Variants in RPS6KC1 observed in about 807,000 individuals in gnomAD.
RPS6KC1 encodes inactive ribosomal protein S6 kinase delta-1.
RPS6KC1 carries 54 observed loss-of-function variants against 103.8 expected under a neutral mutation model. That is an observed-to-expected ratio of 0.52 (90% CI 0.42 to 0.65). RPS6KC1 has a LOEUF of 0.65. RPS6KC1 is among the 30% of genes least tolerant of loss of function. RPS6KC1 has a pLI of 0.00. For synonymous variants in RPS6KC1, 439 were observed against 438.7 expected (o/e 1.00, Z -0.01); for missense variants, 1,151 against 1,253.8 (o/e 0.92, Z 1.24).
chr1:213,103,422 T>C (rs1436222504), intron 3 of RPS6KC1, among the ~76,000 whole-genome samples: 1 of 152,202 alleles, frequency 6.6e-6, no homozygotes, highest in African/African-American at 2.4e-5. Flanking sequence ...ACATTATCCA[T>C]TTCCTACATT....
intron 10 of RPS6KC1, among the ~76,000 whole-genome samples, chr1:213,239,575 G>C (rs183704134): frequency 2.0e-5 from 3 of 152,248 alleles, no homozygotes; most frequent in Non-Finnish European, 4.4e-5. Flanking sequence ...GCAATTGACT[G>C]TCAGTGGTTA....
intron 4 of RPS6KC1, among the ~76,000 whole-genome samples, chr1:213,106,026 G>A (rs1234809124): frequency 1.3e-5 from 2 of 152,152 alleles, no homozygotes; most frequent in Non-Finnish European, 1.5e-5. Flanking sequence ...TCTGGATATG[G>A]GAATTCCTGA....
intron 8 of RPS6KC1, among the ~76,000 whole-genome samples, chr1:213,211,910 G>GT (rs1334026112): frequency 6.6e-6 from 1 of 152,124 alleles, no homozygotes; most frequent in African/African-American, 2.4e-5. Context: ...GAAGCATTTT[G>GT]TTTTTTAAGA....
downstream of RPS6KC1, among the ~76,000 whole-genome samples, chr1:213,279,124 C>A (rs2095118105): frequency 6.6e-6 from 1 of 151,950 alleles, no homozygotes; most frequent in Non-Finnish European, 1.5e-5. Flanking sequence ...GGAGAGCTGG[C>A]ATTATTGCAG....
chr1:213,631,587 A>C, the RPS6KC1 span, among the ~76,000 whole-genome samples: 1 of 152,014 alleles, frequency 6.6e-6, no homozygotes, highest in Non-Finnish European at 1.5e-5. Context: ...AATTATAATC[A>C]CTGGGCCATT....
chr1:213,253,378 A>G (rs75995746), intron 12 of RPS6KC1, among the ~76,000 whole-genome samples: 1,637 of 152,270 alleles, frequency 0.011, 13 homozygotes, highest in Non-Finnish European at 0.015. Flanking sequence ...GGAATATCAG[A>G]TTTCCTTATT....
intron 8 of RPS6KC1, among the ~76,000 whole-genome samples, chr1:213,194,619 A>G (rs1295195506): frequency 6.6e-6 from 1 of 152,180 alleles, no homozygotes; most frequent in Non-Finnish European, 1.5e-5. Flanking sequence ...GCAAGTGAGC[A>G]TTTACCACCT....
chr1:213,363,672 TTCTTTC>T, the RPS6KC1 span, among the ~76,000 whole-genome samples: 3 of 102,788 alleles, frequency 2.9e-5, no homozygotes, highest in East Asian at 6.4e-4. Flanking sequence ...CTTTCTTTCT[TTCTTTC>T]TTTCTTTCTT....
At chr1:213,674,316 G>A in the RPS6KC1 span, among the ~76,000 whole-genome samples, 1 of 152,274 alleles carries the variant, frequency 6.6e-6, no homozygotes, top group East Asian at 1.9e-4. Context: ...ACTGCACCTG[G>A]CTTGTACCAT....
At chr1:213,760,843 G>A in the RPS6KC1 span, among the ~76,000 whole-genome samples, 1 of 142,852 alleles carries the variant, frequency 7.0e-6, no homozygotes, top group African/African-American at 2.6e-5. Context: ...GAAAGTGTGA[G>A]TCTACTTTTT....
chr1:213,813,284 A>G, the RPS6KC1 span, among the ~76,000 whole-genome samples: 1 of 151,824 alleles, frequency 6.6e-6, no homozygotes, highest in Non-Finnish European at 1.5e-5. Context: ...CAATGGCATG[A>G]TCTCAGCTGA....
chr1:213,103,123 C>T (rs1396817052), intron 3 of RPS6KC1, among the ~76,000 whole-genome samples: 1 of 150,866 alleles, frequency 6.6e-6, no homozygotes, highest in Non-Finnish European at 1.5e-5. Context: ...TTGCTTGAGC[C>T]TGGGAGGTTG....
chr1:213,489,401 G>T, the RPS6KC1 span, among the ~76,000 whole-genome samples: 1 of 152,156 alleles, frequency 6.6e-6, no homozygotes, highest in African/African-American at 2.4e-5. Flanking sequence ...GGGACATAAC[G>T]CTTAGGAATC....
chr1:213,366,951 C>T, the RPS6KC1 span, among the ~76,000 whole-genome samples: 1 of 152,236 alleles, frequency 6.6e-6, no homozygotes, highest in African/African-American at 2.4e-5. Context: ...CTTCATATGA[C>T]AGCTCTTTGA....
At chr1:213,806,139 T>G in the RPS6KC1 span, among the ~76,000 whole-genome samples, 2 of 152,146 alleles carry the variant, frequency 1.3e-5, no homozygotes, top group Non-Finnish European at 2.9e-5. Flanking sequence ...GAGACCATCC[T>G]GGCTAACACG....
chr1:213,527,875 T>C, the RPS6KC1 span, among the ~76,000 whole-genome samples: 3 of 152,188 alleles, frequency 2.0e-5, no homozygotes, highest in Non-Finnish European at 1.5e-5. Context: ...TTGTATGTTA[T>C]ATACCATGCT....
At chr1:213,173,756 A>G (rs2148261839) in intron 7 of RPS6KC1, among the ~76,000 whole-genome samples, 1 of 152,294 alleles carries the variant, frequency 6.6e-6, no homozygotes, top group South Asian at 2.1e-4. Context: ...TATCTTCTCA[A>G]ATGGTGAACT....
the RPS6KC1 span, among the ~76,000 whole-genome samples, chr1:213,712,112 A>G: frequency 0.034 from 5,155 of 152,294 alleles, 313 homozygotes; most frequent in African/African-American, 0.12. Flanking sequence ...AACTGCGCCC[A>G]CAGCCACCCC....
At chr1:213,057,851 C>G (rs1220996475) in intron 1 of RPS6KC1, among the ~76,000 whole-genome samples, 2 of 141,142 alleles carry the variant, frequency 1.4e-5, no homozygotes, top group African/African-American at 5.1e-5. Context: ...GTAGCCTTGA[C>G]CTCCTGAGCT....
Sources: allele counts gnomAD v4.1 joint callset (sites outside exome capture counted in the v4.1 genomes callset), GRCh38; gene constraint gnomAD v4.1.1; transcripts MANE v1.5; gene names NCBI Gene and HGNC (gene_info 2026-07-23, HGNC 2026-07-21).